The following APBB2 variants were observed in gnomAD, a reference collection of about 807,000 sequenced individuals.
APBB2 encodes the protein Fe65-like 1.
In APBB2, 38 loss-of-function variants were observed where a neutral mutation model predicts 82.5. The observed-to-expected ratio is 0.46, with a 90% CI of 0.36 to 0.60. The LOEUF (loss-of-function observed/expected upper bound fraction) is 0.60, where lower values mean the gene tolerates loss of function less well. Ranked by LOEUF, APBB2 falls within the 20% of genes least tolerant of loss-of-function variation. APBB2 has a pLI of 0.00. For synonymous variants in APBB2, 341 were observed against 368.2 expected (o/e 0.93, Z 0.85); for missense variants, 772 against 972.3 (o/e 0.79, Z 2.74).
intron 12 of APBB2, among the ~76,000 whole-genome samples, chr4:40,858,025 C>G (rs1044437945): frequency 3.3e-5 from 5 of 152,066 alleles, no homozygotes; most frequent in Non-Finnish European, 5.9e-5. Flanking sequence ...CTTTTGTAAT[C>G]CCTACCTCTT....
In APBB2 at chr4:41,029,915, G is replaced by C. The variant is rs533977393; in HGVS notation, c.19+3321C>G. 1.1e-3 allele frequency among the ~76,000 whole-genome samples: 173 copies of C among 152,228 alleles called. 1 individual carries two copies. Among genetic ancestry groups the C allele is most frequent in the Admixed American group, 2.3e-3 (35 of 15,292 alleles). On this transcript the variant is annotated intron_variant, in intron 5 of 17. Transcript: ENST00000508593. Reference sequence around the variant, plus strand: ...TTCATGCCTGTAATCCTAGCACTTTGGGAGGCTGAGGCAGGCGGATCACGA... The same window carrying C: ...TTCATGCCTGTAATCCTAGCACTTTCGGAGGCTGAGGCAGGCGGATCACGA...
chr4:41,105,347 T>C (rs764403910), intron 2 of APBB2, among the ~76,000 whole-genome samples: 26 of 152,308 alleles, frequency 1.7e-4, no homozygotes, highest in Middle Eastern at 3.4e-3. Context: ...TTACTACATG[T>C]TTTGTTTCAT....
At chr4:40,994,420 G>C (rs1045639792) in intron 6 of APBB2, among the ~76,000 whole-genome samples, 1 of 152,162 alleles carries the variant, frequency 6.6e-6, no homozygotes, top group African/African-American at 2.4e-5. Context: ...AAGTATGATA[G>C]TTGAATCAGT....
intron 6 of APBB2, among the ~76,000 whole-genome samples, chr4:40,971,015 C>T (rs1795810998): frequency 6.6e-6 from 1 of 152,166 alleles, no homozygotes; most frequent in Non-Finnish European, 1.5e-5. Flanking sequence ...CAGTTTATGT[C>T]TCAAGAGAAG....
chr4:41,032,514 GT>G (rs1377819552), intron 5 of APBB2, among the ~76,000 whole-genome samples: 2 of 150,356 alleles, frequency 1.3e-5, no homozygotes, highest in African/African-American at 4.9e-5. Context: ...GGCGGGGGGG[GT>G]TTCTGTCTAA....
intron 10 of APBB2, among the ~76,000 whole-genome samples, chr4:40,924,203 G>A (rs553089981): frequency 2.5e-4 from 38 of 152,224 alleles, no homozygotes; most frequent in Non-Finnish European, 4.7e-4. Context: ...ATGCATGAGA[G>A]GCTGAATCTC....
chr4:40,975,083 C>G (rs1202760555), intron 6 of APBB2, among the ~76,000 whole-genome samples: 2 of 152,166 alleles, frequency 1.3e-5, no homozygotes, highest in Admixed American at 1.3e-4. Flanking sequence ...TCTCCTTCCT[C>G]CCCACCCCAA....
At chr4:41,108,307 A>G (rs1488936195) in intron 2 of APBB2, among the ~76,000 whole-genome samples, 1 of 152,224 alleles carries the variant, frequency 6.6e-6, no homozygotes, top group Non-Finnish European at 1.5e-5. Context: ...ATGGTTGAAA[A>G]GAAACTGACG....
intron 6 of APBB2, among the ~76,000 whole-genome samples, chr4:40,978,488 T>C (rs1797714814): frequency 6.6e-6 from 1 of 152,002 alleles, no homozygotes; most frequent in Admixed American, 6.6e-5. Flanking sequence ...AAGATTTTAC[T>C]CTAGAAAAAA....
chr4:41,130,968 C>T (rs1214033947), intron 2 of APBB2, among the ~76,000 whole-genome samples: 1 of 152,128 alleles, frequency 6.6e-6, no homozygotes, highest in Non-Finnish European at 1.5e-5. Context: ...CCAACTAGAC[C>T]ATACGTCACC....
At chr4:40,883,149 C>T (rs1298543979) in intron 12 of APBB2, among the ~76,000 whole-genome samples, 1 of 152,198 alleles carries the variant, frequency 6.6e-6, no homozygotes, top group Non-Finnish European at 1.5e-5. Flanking sequence ...TAACCTCTGG[C>T]ACTGAAGCCA....
At chr4:41,170,864 A>G (rs1768051430) in intron 1 of APBB2, among the ~76,000 whole-genome samples, 1 of 152,250 alleles carries the variant, frequency 6.6e-6, no homozygotes, top group South Asian at 2.1e-4. Flanking sequence ...CAAAAGCCTG[A>G]TATTATTTCA....
intron 1 of APBB2, among the ~76,000 whole-genome samples, chr4:41,165,872 C>CTTTTT (rs148637668): frequency 1.7e-5 from 2 of 116,508 alleles, no homozygotes; most frequent in Non-Finnish European, 3.3e-5. Context: ...GTCAGGCCCC[C>CTTTTT]TTTTTTTTTT....
intron 1 of APBB2, among the ~76,000 whole-genome samples, chr4:41,194,750 G>A: frequency 6.6e-6 from 1 of 152,110 alleles, no homozygotes; most frequent in Admixed American, 6.5e-5. Flanking sequence ...CTAGGGTATG[G>A]GAAGAGAGAA....
Position 40,845,588 on chromosome 4 carries a change from C to CAAAAAAAA in APBB2, c.1530-15019_1530-15012dup, listed in dbSNP as rs71198606. Among the ~76,000 whole-genome samples, 23 of 56,476 alleles carry CAAAAAAAA rather than the reference C, an allele frequency of 4.1e-4. 1 individual carries two copies. The highest frequency in any genetic ancestry group is 1.1e-3 in the African/African-American group (15 of 13,188). 37.1% of individuals were successfully genotyped at this position (56,476 alleles called of 152,430 possible). ...GAATCCAAATGAAAAGGAAATTCCT[C>CAAAAAAAA]AAAAAAAAAAAAAAAAAAAAAAAAA... is the stretch of plus-strand genomic sequence containing the variant. On this transcript the variant is annotated intron_variant, in intron 12 of 17. Coordinates refer to ENST00000508593, the MANE Select transcript of APBB2 (RefSeq NM_004307.2).
intron 4 of APBB2, among the ~76,000 whole-genome samples, chr4:41,037,916 G>C (rs1719874925): frequency 1.3e-5 from 2 of 152,078 alleles, no homozygotes; most frequent in South Asian, 4.2e-4. Context: ...TGAGAGGAGA[G>C]TCCTTGTTTC....
chr4:40,831,392 A>G lies in APBB2; in HGVS notation c.1530-815T>C, dbSNP rs1751843232. 2.7e-5 allele frequency among the ~76,000 whole-genome samples: 4 copies of G among 149,928 alleles called. No individual in the cohort carries two copies. The South Asian group carries it at 8.3e-4, about 31-fold the overall frequency. ...ACTCCAGCCTGGGGGACAAGGGTGA[A>G]ACTCCCTCTGAAAAAAAACAAAAAA... is the stretch of plus-strand genomic sequence containing the variant. On this transcript the variant is annotated intron_variant, in intron 12 of 17. Transcript: ENST00000508593.
intron 6 of APBB2, among the ~76,000 whole-genome samples, chr4:40,965,662 T>G (rs2154395821): frequency 6.6e-6 from 1 of 152,344 alleles, no homozygotes; most frequent in Non-Finnish European, 1.5e-5. Flanking sequence ...CGTCTATTGC[T>G]TTTTACTTAT....
chr4:41,214,136 C>A lies in APBB2; in HGVS notation c.-417+269G>T, dbSNP rs182919428. Among the ~76,000 whole-genome samples, 277 of 152,322 alleles carry A rather than the reference C, an allele frequency of 1.8e-3. 2 individuals carry two copies. The East Asian group carries it at 0.02, about 11-fold the overall frequency. ...TCAAGGAGAGTGAGCCCGCAGTCGCCGTGCCACTGGCCCTGCGGCGCGGGC... is the reference window on the plus strand; with the variant it reads ...TCAAGGAGAGTGAGCCCGCAGTCGCAGTGCCACTGGCCCTGCGGCGCGGGC... On this transcript the variant is annotated intron_variant, in intron 1 of 17. Transcript: ENST00000508593.
Sources: gnomAD v4.1 joint callset for allele counts (sites outside exome capture counted in the v4.1 genomes callset) on GRCh38, gnomAD v4.1.1 for gene constraint, MANE v1.5 for transcripts, NCBI Gene and HGNC (gene_info 2026-07-23, HGNC 2026-07-21) for gene names.